SRGAP2C: variants seen among roughly 807,000 people sequenced by gnomAD.
SRGAP2C encodes SLIT-ROBO Rho GTPase activating protein 2C.
In SRGAP2C, 15 loss-of-function variants were observed where a neutral mutation model predicts 25.1. That is an observed-to-expected ratio of 0.60 (90% confidence interval 0.40 to 0.92). The LOEUF (loss-of-function observed/expected upper bound fraction) is 0.92, where lower values mean the gene tolerates loss of function less well. SRGAP2C is among the 40% of genes least tolerant of loss of function. The pLI is 0.00. For synonymous variants in SRGAP2C, 44 were observed against 96.6 expected, an observed-to-expected ratio of 0.46 and a Z score of 3.19; for missense variants, 144 against 264.4, an observed-to-expected ratio of 0.54 and a Z score of 3.16.
chr1:121,261,094 A>ATT (rs1211026484), intron 2 of SRGAP2C, among the ~76,000 whole-genome samples: 473 of 26,232 alleles, frequency 0.018, 79 homozygotes, highest in East Asian at 0.089. Context: ...ACACCTGGCT[A>ATT]TTTTTTTTTT....
intron 3 of SRGAP2C, among the ~76,000 whole-genome samples, chr1:121,301,993 T>C (rs1456600126): frequency 6.6e-6 from 1 of 151,488 alleles, no homozygotes; most frequent in East Asian, 1.9e-4. Flanking sequence ...TACATTTGTA[T>C]GTGCTCTGAT....
At chr1:121,262,680 C>T (rs1656654030) in intron 2 of SRGAP2C, among the ~76,000 whole-genome samples, 1 of 134,638 alleles carries the variant, frequency 7.4e-6, no homozygotes, top group Non-Finnish European at 1.6e-5. Flanking sequence ...ATGTAAATTG[C>T]TAATTATTGT....
Position 121,308,227 on chromosome 1 carries a change from C to T in SRGAP2C, c.261-16251C>T, listed in dbSNP as rs1431674404. ...TCAGGAGACCTGGATTCTTGCCCTG[C>T]TCCACCACTGTCTGTGTGACCTCAG... On this transcript the variant is annotated intron_variant, in intron 3 of 9. Transcript: ENST00000367123. 3.7e-3 allele frequency among the ~76,000 whole-genome samples: 502 copies of T among 137,092 alleles called. 7 individuals are homozygous for T. The Middle Eastern group carries it at 0.062, about 17-fold the overall frequency. 89.9% of individuals were successfully genotyped at this position (137,092 alleles called of 152,430 possible).
intron 4 of SRGAP2C, among the ~76,000 whole-genome samples, chr1:121,359,980 A>T (rs1659152446): frequency 6.6e-6 from 1 of 152,010 alleles, no homozygotes; most frequent in South Asian, 2.1e-4. Flanking sequence ...TAGCTAAAGG[A>T]TTGTAAATGC....
At chr1:121,360,898 G>A (rs1323410277) in intron 4 of SRGAP2C, 16 of 150,522 alleles carry the variant, frequency 1.1e-4, no homozygotes, top group African/African-American at 3.7e-4. Flanking sequence ...TTAGGGTGGG[G>A]AGGGGATAGT....
chr1:121,328,961 C>A (rs1257815172), intron 4 of SRGAP2C, among the ~76,000 whole-genome samples: 1 of 130,728 alleles, frequency 7.6e-6, no homozygotes, highest in Admixed American at 7.9e-5. Flanking sequence ...CCTGTAATCG[C>A]AGCGCTTTGG....
intron 2 of SRGAP2C, among the ~76,000 whole-genome samples, chr1:121,224,157 G>A (rs1413153311): frequency 7.0e-6 from 1 of 142,000 alleles, no homozygotes; most frequent in Non-Finnish European, 1.5e-5. Context: ...CAAACAAACA[G>A]GCAGAATTCA....
chr1:121,279,822 G>A (rs1169997138), intron 2 of SRGAP2C, among the ~76,000 whole-genome samples: 4 of 140,330 alleles, frequency 2.9e-5, no homozygotes, highest in East Asian at 4.3e-4. Context: ...CCAAGCCTAC[G>A]GCCCAGAGGG....
rs1386854344 is a variant in SRGAP2C, at chr1:121,284,194, G to A, written c.68-609G>A. ...TTCTTGTGCTTCTTTTGTTTTGATT[G>A]CTACCATTTGACCTTGGGAGATTTT... On this transcript the variant is annotated intron_variant, in intron 2 of 9. Transcript: ENST00000367123. Among the ~76,000 whole-genome samples the A allele has an allele frequency of 9.9e-3, 1,503 of 151,678 alleles. 35 individuals carry two copies. Among genetic ancestry groups the A allele is most frequent in the Non-Finnish European group, 0.012 (794 of 67,786 alleles).
chr1:121,369,516 C>T (rs1442793843), intron 5 of SRGAP2C, among the ~76,000 whole-genome samples: 4 of 152,106 alleles, frequency 2.6e-5, no homozygotes, highest in Non-Finnish European at 5.9e-5. Flanking sequence ...GTTTACATCC[C>T]CTTGGCTTGG....
intron 2 of SRGAP2C, among the ~76,000 whole-genome samples, chr1:121,199,655 G>T (rs1654927178): frequency 1.2e-5 from 1 of 81,862 alleles, no homozygotes; most frequent in Non-Finnish European, 2.4e-5. Flanking sequence ...GCTGGGCATG[G>T]TGGCAGGTGC....
At chr1:121,235,079 T>C (rs1156452037) in intron 2 of SRGAP2C, among the ~76,000 whole-genome samples, 1 of 145,170 alleles carries the variant, frequency 6.9e-6, no homozygotes, top group Non-Finnish European at 1.5e-5. Flanking sequence ...TGGAGTGCAG[T>C]GGCTAGATCT....
rs1243682707 is a variant in SRGAP2C, at chr1:121,335,343, A to AAAATAAAT, written c.423+10743_423+10750dup. On this transcript the variant is annotated intron_variant, in intron 4 of 9. Transcript: ENST00000367123. Reference sequence around the variant, plus strand: ...GAGACAGAGCAAGACTCCATCTCAAAAAATAAATAAATAAATAAATAAATA... The same window carrying AAAATAAAT: ...GAGACAGAGCAAGACTCCATCTCAAAAAATAAATAAATAAATAAATAAATAAATAAATA... 3.4e-3 allele frequency among the ~76,000 whole-genome samples: 371 copies of AAAATAAAT among 109,772 alleles called. 11 individuals are homozygous for AAAATAAAT. The highest frequency in any genetic ancestry group is 7.9e-3 in the Admixed American group (85 of 10,776). The allele number at this position is 109,772 out of a possible 152,430, so 72.0% of individuals were successfully genotyped here.
rs201550543 is a variant in SRGAP2C at position 121,260,268 on chromosome 1, A to G, written c.68-24535A>G. On this transcript the variant is annotated intron_variant, in intron 2 of 9. Transcript: ENST00000367123. Reference sequence around the variant, plus strand: ...TTTAAAGGAGGTAAGAGTGTAAGCCACGTGGATATTGGGGGAAAGGCATTT... The same window carrying G: ...TTTAAAGGAGGTAAGAGTGTAAGCCGCGTGGATATTGGGGGAAAGGCATTT... Among the ~76,000 whole-genome samples the G allele has an allele frequency of 1.4e-4, 21 of 151,286 alleles. 1 individual carries two copies. The East Asian group carries it at 4.1e-3, about 29-fold the overall frequency.
At chr1:121,375,489 A>G (rs2101665864) in intron 7 of SRGAP2C, among the ~76,000 whole-genome samples, 1 of 150,370 alleles carries the variant, frequency 6.7e-6, no homozygotes, top group South Asian at 2.1e-4. Context: ...ATGCCCAGCT[A>G]ATTTTTGTAT....
At chr1:121,189,771 G>T (rs1466092827) in intron 2 of SRGAP2C, among the ~76,000 whole-genome samples, 1 of 105,318 alleles carries the variant, frequency 9.5e-6, no homozygotes, top group African/African-American at 4.1e-5. Context: ...TAGTAATAAT[G>T]ATAATGATAA....
At chr1:121,234,750 A>G (rs1220158630) in intron 2 of SRGAP2C, among the ~76,000 whole-genome samples, 2 of 148,096 alleles carry the variant, frequency 1.4e-5, no homozygotes, top group East Asian at 3.9e-4. Flanking sequence ...ATTCATTGTG[A>G]CTTTTTCCCT....
intron 4 of SRGAP2C, among the ~76,000 whole-genome samples, chr1:121,350,730 GAAAA>G (rs1658881873): frequency 1.3e-5 from 2 of 151,950 alleles, no homozygotes; most frequent in Non-Finnish European, 2.9e-5. Flanking sequence ...AGCAACAAAA[GAAAA>G]AATAAATAAA....
intron 2 of SRGAP2C, among the ~76,000 whole-genome samples, chr1:121,202,536 C>A (rs1655010877): frequency 1.4e-5 from 2 of 146,368 alleles, no homozygotes; most frequent in Non-Finnish European, 3.0e-5. Context: ...TCAAGTGATT[C>A]TCCTGCCTCA....
Sources: gnomAD v4.1 joint callset for allele counts (sites outside exome capture counted in the v4.1 genomes callset) on GRCh38, gnomAD v4.1.1 for gene constraint, MANE v1.5 for transcripts, NCBI Gene and HGNC (gene_info 2026-07-23, HGNC 2026-07-21) for gene names.